Variants in ZC3H7A observed in about 807,000 individuals in gnomAD.
The protein encoded by ZC3H7A is zinc finger CCCH-type containing 7A.
In ZC3H7A, 44 loss-of-function variants were observed where a neutral mutation model predicts 125.5. That is an observed-to-expected ratio of 0.35 (90% CI 0.28 to 0.45). The LOEUF (loss-of-function observed/expected upper bound fraction) is 0.45, where lower values mean the gene tolerates loss of function less well. Among genes scored for constraint, ZC3H7A ranks in the 20% least tolerant of loss-of-function variants. The pLI, the probability that ZC3H7A is intolerant of heterozygous loss-of-function variation, is 1.00. For missense variants in ZC3H7A, 977 were observed against 1,170.7 expected, an observed-to-expected ratio of 0.83 and a Z score of 2.41; for synonymous variants, 399 against 391.2, an observed-to-expected ratio of 1.02 and a Z score of -0.23.
intron 19 of ZC3H7A, among the ~76,000 whole-genome samples, chr16:11,761,173 T>C (rs1489326150): frequency 6.6e-6 from 1 of 152,172 alleles, no homozygotes. Context: ...TTTCCTCAGA[T>C]CCACTATCTA....
At position 11,776,680 on chromosome 16, in the gene ZC3H7A, T is replaced by C. The variant is rs2053085841; in HGVS notation, c.465+71A>G. The C allele has an allele frequency of 2.6e-6, 4 of 1,534,322 alleles. No homozygotes were observed. In the African/African-American group the frequency reaches 4.2e-5, roughly 16 times the overall value. ...CAGGTTGATGGATGACTGGAAAATT[T>C]AACTCTTTAAATGCCATTTATTATG... On this transcript the variant is annotated intron_variant, in intron 5 of 22. Coordinates refer to ENST00000355758, the MANE Select transcript of ZC3H7A (RefSeq NM_014153.4).
chr16:11,761,568 A>T, intron 18 of ZC3H7A, 57 bp from the exon 19 acceptor site: 1 of 1,572,340 alleles, frequency 6.4e-7, no homozygotes. Context: ...GACATAACAC[A>T]AAGGGAGAGG....
chr16:11,768,468 T>C lies in ZC3H7A; in HGVS notation c.1207A>G (p.Asn403Asp), dbSNP rs1423782523. The C allele has an allele frequency of 5.3e-6, 8 of 1,504,352 alleles. No individual in the cohort carries two copies. Among genetic ancestry groups the C allele is most frequent in the African/African-American group, 1.4e-5 (1 of 71,562 alleles). 93.2% of individuals were successfully genotyped at this position (1,504,352 alleles called of 1,614,324 possible). A position where few individuals can be genotyped will look rare whatever the true frequency, so the allele number is the denominator to read the frequency against. ...GGCTGACTTGAAATTCCCAGGAAAT[T>C]CTCTGAAGCAAACAAACTACCTGGT... The part of the protein sequence containing the change: ...NGPGSLFASE[N>D]FLGISSQPRN... Residue 403 changes from asparagine (N) to aspartate (D), a missense_variant, in exon 12 of 23, where the codon AAT becomes GAT. Around this residue, in one of 3 missense-constraint regions of ZC3H7A, gnomAD observed 342 missense variants for 311.3 expected, o/e 1.10. Coordinates refer to ENST00000355758, the MANE Select transcript of ZC3H7A (RefSeq NM_014153.4).
chr16:11,788,241 G>A (rs139750348), intron 1 of ZC3H7A, among the ~76,000 whole-genome samples: 3 of 151,966 alleles, frequency 2.0e-5, no homozygotes, highest in Non-Finnish European at 2.9e-5. Flanking sequence ...TCTCCTGCAA[G>A]CTGAGGCTCC....
chr16:11,773,894 A>C (rs1041925946), intron 9 of ZC3H7A, among the ~76,000 whole-genome samples: 1 of 152,132 alleles, frequency 6.6e-6, no homozygotes, highest in Non-Finnish European at 1.5e-5. Context: ...AAAAAAAATA[A>C]ATAAATAAAA....
chr16:11,766,132 C>T (rs892562509), intron 13 of ZC3H7A, among the ~76,000 whole-genome samples: 8 of 152,088 alleles, frequency 5.3e-5, no homozygotes, highest in African/African-American at 1.9e-4. Context: ...ACATTCTAAG[C>T]TCATTCACAC....
chr16:11,779,760 T>C lies in ZC3H7A; in HGVS notation c.109-397A>G, dbSNP rs554303495. Among the ~76,000 whole-genome samples the C allele has an allele frequency of 1.1e-4, 17 of 152,342 alleles. No individual in the cohort carries two copies. The East Asian group carries it at 3.3e-3, about 29-fold the overall frequency. On this transcript the variant is annotated intron_variant, in intron 3 of 22. Transcript: ENST00000355758. ...AAAATGTTTCTAGTGGTTTACTTTA[T>C]AGCACCCATACACACTAGGTAGTGT...
At chr16:11,785,937 G>C (rs2053250665) in intron 1 of ZC3H7A, among the ~76,000 whole-genome samples, 1 of 152,066 alleles carries the variant, frequency 6.6e-6, no homozygotes, top group Non-Finnish European at 1.5e-5. Flanking sequence ...TTTTTTTAAA[G>C]TGACGGGTAG....
At chr16:11,784,338 T>C (rs1473343115) in intron 1 of ZC3H7A, among the ~76,000 whole-genome samples, 1 of 152,006 alleles carries the variant, frequency 6.6e-6, no homozygotes, top group African/African-American at 2.4e-5. Context: ...AAAATTTATA[T>C]ATTTTTTTAA....
intron 4 of ZC3H7A, among the ~76,000 whole-genome samples, chr16:11,777,910 T>C (rs2053109112): frequency 6.6e-6 from 1 of 151,018 alleles, no homozygotes; most frequent in Non-Finnish European, 1.5e-5. Flanking sequence ...TCTCAGCTAC[T>C]CGGGAAGCTG....
Position 11,751,476 on chromosome 16 carries a change from G to A in ZC3H7A, c.2757C>T (p.Asn919=), listed in dbSNP as rs752545923. Residue 919 remains asparagine (N), a synonymous_variant, in exon 23 of 23, where the codon AAC becomes AAT. Transcript: ENST00000355758. ...RYMNGTCPEG[N]SCKFAHGNAE... is the part of the protein sequence containing the mutation. ...CATTTCCATGTGCAAATTTACAGCT[G>A]TTTCCTTCTGGGCAGGTGCCATTCA... The A allele has an allele frequency of 7.4e-6, 12 of 1,614,072 alleles. No individual in the cohort carries two copies. The highest frequency in any genetic ancestry group is 1.0e-5 in the Non-Finnish European group (12 of 1,180,010).
rs371948667 is a variant in ZC3H7A at position 11,776,329 on chromosome 16, C to T, written c.576G>A (p.Gly192=). Residue 192 remains glycine, a synonymous_variant, in exon 7 of 23, where the codon GGG becomes GGA. Coordinates refer to ENST00000355758, the MANE Select transcript of ZC3H7A (RefSeq NM_014153.4). ...GAAAAAATAACTTTACCTTGGTAGC[C>T]CCATCCCCAGGAACTGATTTTAATG... ...ELSLKSVPGD[G]ATKALNHSVE... The T allele has an allele frequency of 4.0e-5, 65 of 1,607,606 alleles. No homozygotes were observed. In the African/African-American group the frequency reaches 8.5e-4, roughly 21 times the overall value.
chr16:11,776,335 C>A lies in ZC3H7A; in HGVS notation c.570G>T (p.Gly190=). 6.2e-7 allele frequency: 1 copy of A among 1,608,594 alleles called. No individual in the cohort carries two copies. Among genetic ancestry groups the A allele is most frequent in the South Asian group, 1.1e-5 (1 of 88,812 alleles). Residue 190 remains glycine (G), a synonymous_variant, in exon 7 of 23, where the codon GGG becomes GGT. Transcript: ENST00000355758. ...ATAACTTTACCTTGGTAGCCCCATC[C>A]CCAGGAACTGATTTTAATGAGAGCT... The part of the protein sequence containing the change: ...RAELSLKSVP[G]DGATKALNHS...
Position 11,774,490 on chromosome 16 carries a change from G to A in ZC3H7A, c.649C>T (p.Pro217Ser), listed in dbSNP as rs2053046699. 1 of 1,563,772 alleles carries A rather than the reference G, an allele frequency of 6.4e-7. No homozygotes were observed. The highest frequency in any genetic ancestry group is 1.9e-5 in the Admixed American group (1 of 53,112). The part of the protein sequence containing the change: ...DLLTPRQEAV[P>S]VVSLPAPSFS... ...CTGGGTGCCGGTAAAGAGACAACAG[G>A]AACTGCTTCTTGCCTTGGAGTTAAT... The change falls in exon 9 of 23, where the codon CCT (proline) becomes TCT (serine). Residue 217 changes from proline to serine, a missense_variant. Physicochemically the swap from Pro to Ser is moderately conservative, Grantham distance 74. This residue lies in a region of ZC3H7A where 199 missense variants were observed against 256.1 expected (regional missense o/e 0.78). Transcript: ENST00000355758.
At chr16:11,782,564 G>T in intron 1 of ZC3H7A, 176 bp from the exon 2 acceptor site, 1 of 482,614 alleles carries the variant, frequency 2.1e-6, no homozygotes, top group Non-Finnish European at 3.7e-6. Flanking sequence ...TGGCTCCCCT[G>T]TGGTCCGGCA....
Position 11,769,103 on chromosome 16 carries a change from A to G in ZC3H7A, c.1109-8T>C, listed in dbSNP as rs2052921478. 1.2e-6 allele frequency: 2 copies of G among 1,600,274 alleles called. No individual in the cohort carries two copies. Among genetic ancestry groups the G allele is most frequent in the Admixed American group, 3.5e-5 (2 of 56,706 alleles). Reference sequence around the variant, plus strand: ...AAGTTGAGGTGGACAGATCTAAAATAATAAAAAAACTTCAACAGACCTTTT... The same window carrying G: ...AAGTTGAGGTGGACAGATCTAAAATGATAAAAAAACTTCAACAGACCTTTT... On this transcript the variant is annotated splice_polypyrimidine_tract_variant and splice_region_variant and intron_variant, in intron 10 of 22. Transcript: ENST00000355758.
chr16:11,760,296 T>C (rs1422114153), intron 19 of ZC3H7A, among the ~76,000 whole-genome samples: 5 of 152,140 alleles, frequency 3.3e-5, no homozygotes, highest in Middle Eastern at 3.2e-3. Context: ...TTGTTCTCAG[T>C]TGTACTCATT....
intron 21 of ZC3H7A, among the ~76,000 whole-genome samples, chr16:11,754,325 T>A (rs200082334): frequency 0.024 from 2,622 of 110,128 alleles, 68 homozygotes; most frequent in East Asian, 0.082. Flanking sequence ...AAAAAAAATA[T>A]ATATATATAT....
At chr16:11,756,161 C>CA (rs1272842777) in intron 21 of ZC3H7A, 76 bp downstream of exon 21, 41 of 1,531,488 alleles carry the variant, frequency 2.7e-5, no homozygotes, top group African/African-American at 5.6e-5. Context: ...GACTCCATCT[C>CA]AAAAAAAAGA....
Sources: gnomAD v4.1 joint callset for allele counts (sites outside exome capture counted in the v4.1 genomes callset) on GRCh38, gnomAD v4.1.1 for gene constraint, gnomAD v4.1.1 regional missense constraint, MANE v1.5 for transcripts, NCBI Gene and HGNC (gene_info 2026-07-23, HGNC 2026-07-21) for gene names.